Variants in PRR36 observed in about 807,000 individuals in gnomAD.
The protein encoded by PRR36 is proline rich 36, also known as proline-rich protein 36.
A neutral mutation model predicts 58.6 loss-of-function variants in PRR36; 30 were observed. That is an observed-to-expected ratio of 0.51 (90% CI 0.38 to 0.69). PRR36 has a LOEUF of 0.69. PRR36 is among the 30% of genes least tolerant of loss of function. PRR36 has a pLI of 0.00. For missense variants in PRR36, 1,692 were observed against 1,805.6 expected (o/e 0.94, Z 1.14); for synonymous variants, 771 against 829.3 (o/e 0.93, Z 1.21).
chr19:7,872,120 G>A lies in PRR36; in HGVS notation c.1124C>T (p.Pro375Leu), dbSNP rs908022934. Residue 375 changes from proline (P) to leucine (L), a missense_variant, in exon 5 of 6, where the codon CCT (proline) becomes CTT (leucine). This residue lies in a region of PRR36 where 975 missense variants were observed against 955.2 expected (regional missense o/e 1.02). Transcript: ENST00000618550. This position sits in a 1 kb window ranked among gnomAD's most constrained non-coding sequence, Gnocchi z 6.1. Reference sequence around the variant, plus strand: ...CAGAGAAGGTGGAGCAGAGGGAGAAGGAGGGGCTAGAGGAAGGGGCGTGGC... The same window carrying A: ...CAGAGAAGGTGGAGCAGAGGGAGAAAGAGGGGCTAGAGGAAGGGGCGTGGC... The part of the protein sequence containing the change: ...QLATPLPLAP[P>L]SPSAPPSLQT... 2.6e-6 allele frequency: 4 copies of A among 1,525,296 alleles called. 1 individual carries two copies. The African/African-American group carries it at 5.5e-5, about 21-fold the overall frequency. 94.5% of individuals were successfully genotyped at this position (1,525,296 alleles called of 1,614,324 possible).
rs1326937500 is a variant in PRR36, at chr19:7,872,532, C to G, written c.712G>C (p.Ala238Pro). The G allele has an allele frequency of 2.6e-6, 4 of 1,516,026 alleles. No homozygotes were observed. The Admixed American group carries it at 6.2e-5, about 24-fold the overall frequency. The allele number at this position is 1,516,026 out of a possible 1,614,324, so 93.9% of individuals were successfully genotyped here. Residue 238 changes from alanine to proline, a missense_variant, in exon 5 of 6, where the codon GCC becomes CCC. Around this residue, in one of 5 missense-constraint regions of PRR36, gnomAD observed 975 missense variants for 955.2 expected, o/e 1.02. Coordinates refer to ENST00000618550, the MANE Select transcript of PRR36 (RefSeq NM_001190467.2). This position sits in a 1 kb window ranked among gnomAD's most constrained non-coding sequence, Gnocchi z 6.1. ...PSAGGGLQRP[A>P]SRSLSSSATP... Reference sequence around the variant, plus strand: ...GCGCTGGAGCTCAGGGAGCGCGAGGCCGGCCTCTGGAGACCCCCACCGGCG... The same window carrying G: ...GCGCTGGAGCTCAGGGAGCGCGAGGGCGGCCTCTGGAGACCCCCACCGGCG...
rs895209543 is a variant in PRR36, at chr19:7,872,132, G to A, written c.1112C>T (p.Pro371Leu). 9.3e-6 allele frequency: 14 copies of A among 1,513,098 alleles called. No homozygotes were observed. The Admixed American group carries it at 2.9e-4, about 31-fold the overall frequency. 93.7% of individuals were successfully genotyped at this position (1,513,098 alleles called of 1,614,324 possible). The change falls in exon 5 of 6, where the codon CCT becomes CTT. Residue 371 changes from proline to leucine, a missense_variant. By Grantham distance (98) the Pro-to-Leu change is moderately conservative. Around this residue, in one of 5 missense-constraint regions of PRR36, gnomAD observed 975 missense variants for 955.2 expected, o/e 1.02. Coordinates refer to ENST00000618550, the MANE Select transcript of PRR36 (RefSeq NM_001190467.2). This position sits in a 1 kb window ranked among gnomAD's most constrained non-coding sequence, Gnocchi z 6.1. The part of the protein sequence containing the change: ...SLTCQLATPL[P>L]LAPPSPSAPP... ...AGCAGAGGGAGAAGGAGGGGCTAGA[G>A]GAAGGGGCGTGGCCAACTGACAGGT...
In PRR36 at chr19:7,868,767, T is replaced by C. The variant is rs1980217935; in HGVS notation, c.*266A>G. On this transcript the variant is annotated 3_prime_UTR_variant, in exon 6 of 6. Transcript: ENST00000618550. ...TATTGCAAACTCAGGCTGTGCGGGG[T>C]GGGCAATACACTGCACACGGGGCGG... The C allele has an allele frequency of 2.5e-6, 1 of 392,380 alleles. No individual in the cohort carries two copies. 24.3% of individuals were successfully genotyped at this position (392,380 alleles called of 1,614,324 possible).
chr19:7,869,321 C>T lies in PRR36; in HGVS notation c.3753G>A (p.Ala1251=). Residue 1251 remains alanine (A), a synonymous_variant, in exon 6 of 6, where the codon GCG becomes GCA. Transcript: ENST00000618550. ...QARLGELPLG[A]LQASVVQHLL... ...GGTGCTGCACGACGCTCGCCTGCAG[C>T]GCCCCCAGTGGCAGCTCGCCCAGGC... The T allele has an allele frequency of 1.4e-6, 2 of 1,429,050 alleles. No individual in the cohort carries two copies. 88.5% of individuals were successfully genotyped at this position (1,429,050 alleles called of 1,614,324 possible).
Position 7,869,387 on chromosome 19 carries a change from C to A in PRR36, c.3687G>T (p.Gly1229=). The A allele has an allele frequency of 6.8e-7, 1 of 1,467,098 alleles. No homozygotes were observed. 90.9% of individuals were successfully genotyped at this position (1,467,098 alleles called of 1,614,324 possible). The change falls in exon 6 of 6, where the codon GGG becomes GGT. Residue 1229 remains glycine (G), a synonymous_variant. Coordinates refer to ENST00000618550, the MANE Select transcript of PRR36 (RefSeq NM_001190467.2). ...PGTSGGKAAA[G]AGAGASSRSP... ...TCCGCGAGGACGCCCCGGCCCCGGC[C>A]CCAGCCGCCGCCTTCCCACCGCTCG...
Position 7,868,861 on chromosome 19 carries a change from T to C in PRR36, c.*172A>G. On this transcript the variant is annotated 3_prime_UTR_variant, in exon 6 of 6. Transcript: ENST00000618550. ...TCGAGGGGCGGGCCTAGGTCAAAGC[T>C]GTGGGTAGGTCCCGAGCCTCCGAGG... is the stretch of plus-strand genomic sequence containing the variant. The C allele has an allele frequency of 1.4e-6, 1 of 717,612 alleles. No individual in the cohort carries two copies. Among genetic ancestry groups the C allele is most frequent in the South Asian group, 2.2e-5 (1 of 44,730 alleles). 44.5% of individuals were successfully genotyped at this position (717,612 alleles called of 1,614,324 possible). A position where few individuals can be genotyped will look rare whatever the true frequency, so the allele number is the denominator to read the frequency against.
Position 7,870,538 on chromosome 19 carries a change from A to AGGGGGAGAGAAAGGGGCCTGCACT in PRR36, c.2682_2705dup (p.Val895_Pro902dup). On this transcript the variant is annotated inframe_insertion, in exon 5 of 6. Coordinates refer to ENST00000618550, the MANE Select transcript of PRR36 (RefSeq NM_001190467.2). Reference sequence around the variant, plus strand: ...CCGAAGGAGACACTGGGGGTGAGGCAGGGGGAGAGAAAGGGGCCTGCACTG... The same window carrying AGGGGGAGAGAAAGGGGCCTGCACT: ...CCGAAGGAGACACTGGGGGTGAGGCAGGGGGAGAGAAAGGGGCCTGCACTGGGGGAGAGAAAGGGGCCTGCACTG... 3.3e-6 allele frequency: 1 copy of AGGGGGAGAGAAAGGGGCCTGCACT among 301,292 alleles called. No homozygotes were observed. Among genetic ancestry groups the AGGGGGAGAGAAAGGGGCCTGCACT allele is most frequent in the African/African-American group, 7.2e-5 (1 of 13,986 alleles). The allele number at this position is 301,292 out of a possible 1,614,324, so 18.7% of individuals were successfully genotyped here.
At position 7,872,671 on chromosome 19, in the gene PRR36, C is replaced by A. The variant is rs1399000061; in HGVS notation, c.573G>T (p.Arg191=). 1 of 1,455,686 alleles carries A rather than the reference C, an allele frequency of 6.9e-7. No individual in the cohort carries two copies. The highest frequency in any genetic ancestry group is 9.0e-7 in the Non-Finnish European group (1 of 1,109,732). The allele number at this position is 1,455,686 out of a possible 1,614,324, so 90.2% of individuals were successfully genotyped here. The change falls in exon 5 of 6, where the codon CGG becomes CGT. Residue 191 remains arginine (R), a synonymous_variant. Transcript: ENST00000618550. This position sits in a 1 kb window ranked among gnomAD's most constrained non-coding sequence, Gnocchi z 6.1. ...RAAGTEVGLP[R]PAPSARPRPP... ...GCCGTGGCCGGGCACTCGGAGCTGGCCGGGGGAGCCCCACCTCGGTGCCCG... is the reference window on the plus strand; with the variant it reads ...GCCGTGGCCGGGCACTCGGAGCTGGACGGGGGAGCCCCACCTCGGTGCCCG...
Position 7,869,155 on chromosome 19 carries a change from C to A in PRR36, c.3919G>T (p.Glu1307Ter). 1 of 1,535,392 alleles carries A rather than the reference C, an allele frequency of 6.5e-7. No individual in the cohort carries two copies. The highest frequency in any genetic ancestry group is 8.7e-7 in the Non-Finnish European group (1 of 1,146,674). The change falls in exon 6 of 6, where the codon GAA becomes TAA. Residue 1307 changes from glutamate to a stop codon, truncating the protein, a stop_gained. Coordinates refer to ENST00000618550, the MANE Select transcript of PRR36 (RefSeq NM_001190467.2). LOFTEE classifies it high-confidence loss of function. Reference protein sequence around the residue: ...LSDAELGRWAELLSPLDESRA... With the variant: ...LSDAELGRWA Reference sequence around the variant, plus strand: ...GACTCGTCCAGGGGAGACAGTAGTTCGGCCCAGCGGCCGAGTTCGGCGTCG... The same window carrying A: ...GACTCGTCCAGGGGAGACAGTAGTTAGGCCCAGCGGCCGAGTTCGGCGTCG...
rs1395790799 is a variant in PRR36 at position 7,869,061 on chromosome 19, G to T, written c.4013C>A (p.Thr1338Asn). ...GTGGAAGGTCTCCACCTCCACCACG[G>T]TCCAGTCACCCTGCGGGGAGGCCAC... ...DDVASPQGDWTVVEVETFH is the reference protein window; with the variant it reads ...DDVASPQGDWNVVEVETFH The change falls in exon 6 of 6, where the codon ACC becomes AAC. Residue 1338 changes from threonine (T) to asparagine (N), a missense_variant. By Grantham distance (65) the Thr-to-Asn change is moderately conservative (BLOSUM62 0). Coordinates refer to ENST00000618550, the MANE Select transcript of PRR36 (RefSeq NM_001190467.2). 7.2e-6 allele frequency: 11 copies of T among 1,532,454 alleles called. No individual in the cohort carries two copies. Among genetic ancestry groups the T allele is most frequent in the Non-Finnish European group, 9.6e-6 (11 of 1,145,480 alleles). 94.9% of individuals were successfully genotyped at this position (1,532,454 alleles called of 1,614,324 possible). A position where few individuals can be genotyped will look rare whatever the true frequency, so the allele number is the denominator to read the frequency against.
In PRR36 at chr19:7,870,640, G is replaced by T; in HGVS notation, c.2604C>A (p.Ala868=). ...PPASPPLSPL[A]TPSPQAPNAL... ...CATTTGGGGCCTGTGGAGAGGGTGTGGCCAAAGGAGACAGAGGGGGTGAGG... is the reference window on the plus strand; with the variant it reads ...CATTTGGGGCCTGTGGAGAGGGTGTTGCCAAAGGAGACAGAGGGGGTGAGG... The change falls in exon 5 of 6, where the codon GCC becomes GCA. Residue 868 remains alanine (A), a synonymous_variant. Transcript: ENST00000618550. 1.5e-6 allele frequency: 2 copies of T among 1,337,400 alleles called. No individual in the cohort carries two copies. The highest frequency in any genetic ancestry group is 1.7e-5 in the South Asian group (1 of 57,226). 82.8% of individuals were successfully genotyped at this position (1,337,400 alleles called of 1,614,324 possible).
rs572980152 is a variant in PRR36, at chr19:7,871,854, G to C, written c.1390C>G (p.Leu464Val). ...GTTGCCGGAGAAACAGGGCCTTGTA[G>C]AGGAGACATGGCTGACAGAGGAGGT... ...ATPPLSAMSP[L>V]QGPVSPATSL... is the part of the protein sequence containing the mutation. The change falls in exon 5 of 6, where the codon CTA becomes GTA. Residue 464 changes from leucine to valine, a missense_variant. Around this residue, in one of 5 missense-constraint regions of PRR36, gnomAD observed 975 missense variants for 955.2 expected, o/e 1.02. Coordinates refer to ENST00000618550, the MANE Select transcript of PRR36 (RefSeq NM_001190467.2). The C allele has an allele frequency of 4.7e-3, 7,177 of 1,536,016 alleles. 23 individuals are homozygous for C. Among genetic ancestry groups the C allele is most frequent in the Non-Finnish European group, 5.7e-3 (6,485 of 1,146,852 alleles).
chr19:7,872,556 C>T lies in PRR36; in HGVS notation c.688G>A (p.Ala230Thr), dbSNP rs1004693591. The change falls in exon 5 of 6, where the codon GCC (alanine) becomes ACC (threonine). Residue 230 changes from alanine (A) to threonine (T), a missense_variant. Transcript: ENST00000618550. This position sits in a 1 kb window ranked among gnomAD's most constrained non-coding sequence, Gnocchi z 6.1. ...GCCGGCCTCTGGAGACCCCCACCGGCGCTGGGCCGCCTCCTGGCAGCCGGG... is the reference window on the plus strand; with the variant it reads ...GCCGGCCTCTGGAGACCCCCACCGGTGCTGGGCCGCCTCCTGGCAGCCGGG... ...PSPAARRRPS[A>T]GGGLQRPASR... is the part of the protein sequence containing the mutation. 4 of 1,521,156 alleles carry T rather than the reference C, an allele frequency of 2.6e-6. No individual in the cohort carries two copies. Among genetic ancestry groups the T allele is most frequent in the African/African-American group, 2.8e-5 (2 of 71,752 alleles). The allele number at this position is 1,521,156 out of a possible 1,614,324, so 94.2% of individuals were successfully genotyped here. A position where few individuals can be genotyped will look rare whatever the true frequency, so the allele number is the denominator to read the frequency against.
In PRR36 at chr19:7,872,393, T is replaced by C. The variant is rs1177437389; in HGVS notation, c.851A>G (p.Gln284Arg). Residue 284 changes from glutamine to arginine, a missense_variant, in exon 5 of 6, where the codon CAG becomes CGG. Coordinates refer to ENST00000618550, the MANE Select transcript of PRR36 (RefSeq NM_001190467.2). The surrounding 1 kb of genome is among the most constrained non-coding windows in gnomAD (Gnocchi z 6.1). ...PKGLQALRPP[Q>R]VTPPRKDAAP... ...TGCGTCCTTCCTTGGGGGTGTGACC[T>C]GAGGGGGTCGCAGAGCCTGCAGTCC... 2.8e-6 allele frequency: 4 copies of C among 1,450,498 alleles called. No homozygotes were observed. The highest frequency in any genetic ancestry group is 3.6e-6 in the Non-Finnish European group (4 of 1,107,574). 89.9% of individuals were successfully genotyped at this position (1,450,498 alleles called of 1,614,324 possible).
At position 7,870,944 on chromosome 19, in the gene PRR36, GGAGGCGGGGC is replaced by G; in HGVS notation, c.2290_2299del (p.Ala764LeufsTer9). The G allele has an allele frequency of 1.4e-5, 20 of 1,379,984 alleles. No homozygotes were observed. The highest frequency in any genetic ancestry group is 1.9e-4 in the Middle Eastern group (1 of 5,232). 85.5% of individuals were successfully genotyped at this position (1,379,984 alleles called of 1,614,324 possible). On this transcript the variant is annotated frameshift_variant, in exon 5 of 6. Transcript: ENST00000618550. LOFTEE classifies it high-confidence loss of function. ...CAGGGGAGCAGAAGCTGTCTGCAGA[GGAGGCGGGGC>G]TAGAGAAGGTAGGTTCTCCAGAGGG...
rs1457947915 is a variant in PRR36 at position 7,870,276 on chromosome 19, C to A, written c.2968G>T (p.Val990Phe). 28 of 1,322,116 alleles carry A rather than the reference C, an allele frequency of 2.1e-5. No homozygotes were observed. Among genetic ancestry groups the A allele is most frequent in the Admixed American group, 3.9e-5 (1 of 25,328 alleles). 81.9% of individuals were successfully genotyped at this position (1,322,116 alleles called of 1,614,324 possible). The change falls in exon 5 of 6, where the codon GTC (valine) becomes TTC (phenylalanine). Residue 990 changes from valine to phenylalanine, a missense_variant. Around this residue, in one of 5 missense-constraint regions of PRR36, gnomAD observed 485 missense variants for 549.2 expected, o/e 0.88. Coordinates refer to ENST00000618550, the MANE Select transcript of PRR36 (RefSeq NM_001190467.2). ...AGTGAGGCAGGGGGAGAGGGCGGGA[C>A]CTGCAGAGGAGGAGCGGCAAGAAGG... ...PPLLAAPPLQ[V>F]PPSPPASLPM... is the part of the protein sequence containing the mutation.
Position 7,873,549 on chromosome 19 carries a change from C to T in PRR36, c.141G>A (p.Leu47=), listed in dbSNP as rs768689186. 3 of 1,535,020 alleles carry T rather than the reference C, an allele frequency of 2.0e-6. No individual in the cohort carries two copies. ...TTCGCCCCACTGCTCCCGCAGCTCC[C>T]AGAACTCGGAGGGCTGCGGGAGTTA... The part of the protein sequence containing the change: ...PPVTPAALRV[L]GAAGAVGRKP... Residue 47 remains leucine, a synonymous_variant, in exon 2 of 6, where the codon CTG becomes CTA. Coordinates refer to ENST00000618550, the MANE Select transcript of PRR36 (RefSeq NM_001190467.2). This position sits in a 1 kb window ranked among gnomAD's most constrained non-coding sequence, Gnocchi z 5.0.
At position 7,870,770 on chromosome 19, in the gene PRR36, A is replaced by G. The variant is rs1980386268; in HGVS notation, c.2474T>C (p.Leu825Ser). 3 of 1,410,654 alleles carry G rather than the reference A, an allele frequency of 2.1e-6. No homozygotes were observed. The highest frequency in any genetic ancestry group is 2.8e-6 in the Non-Finnish European group (3 of 1,086,990). 87.4% of individuals were successfully genotyped at this position (1,410,654 alleles called of 1,614,324 possible). ...CAGAGGGGGAGAGGGCAGGCCCTGC[A>G]AAGGGGGTGAGGCCAGAGCAGGTGG... ...QAPPALASPPLQGLPSPPLSP... is the reference protein window; with the variant it reads ...QAPPALASPPSQGLPSPPLSP... The change falls in exon 5 of 6, where the codon TTG becomes TCG. Residue 825 changes from leucine to serine, a missense_variant. Leu to Ser is a moderately radical substitution (Grantham distance 145, BLOSUM62 -2). Around this residue, in one of 5 missense-constraint regions of PRR36, gnomAD observed 171 missense variants for 146.2 expected, o/e 1.17. Coordinates refer to ENST00000618550, the MANE Select transcript of PRR36 (RefSeq NM_001190467.2).
In PRR36 at chr19:7,872,237, G is replaced by C; in HGVS notation, c.1007C>G (p.Pro336Arg). The C allele has an allele frequency of 6.9e-7, 1 of 1,458,990 alleles. No homozygotes were observed. The highest frequency in any genetic ancestry group is 9.0e-7 in the Non-Finnish European group (1 of 1,111,110). 90.4% of individuals were successfully genotyped at this position (1,458,990 alleles called of 1,614,324 possible). ...AGCGGCTGGCGGAGGGGGCGTTACC[G>C]GTGGAGAGGGAGGGAGCGTGGCTGG... ...PLPATLPPSPPVTPPPPAALQ... is the reference protein window; with the variant it reads ...PLPATLPPSPRVTPPPPAALQ... Residue 336 changes from proline (P) to arginine (R), a missense_variant, in exon 5 of 6, where the codon CCG becomes CGG. Around this residue, in one of 5 missense-constraint regions of PRR36, gnomAD observed 975 missense variants for 955.2 expected, o/e 1.02. Coordinates refer to ENST00000618550, the MANE Select transcript of PRR36 (RefSeq NM_001190467.2). The surrounding 1 kb of genome is among the most constrained non-coding windows in gnomAD (Gnocchi z 6.1).
Sources: gnomAD v4.1 joint callset for allele counts on GRCh38, gnomAD v4.1.1 for gene constraint, gnomAD v4.1.1 regional missense constraint, Gnocchi (gnomAD v3.1) non-coding constraint, MANE v1.5 for transcripts, NCBI Gene and HGNC (gene_info 2026-07-23, HGNC 2026-07-21) for gene names.